HPX: variants seen among roughly 807,000 people sequenced by gnomAD.
HPX encodes beta-1B-glycoprotein.
Under a neutral mutation model 53.8 loss-of-function variants are expected in HPX, and 42 were observed. The observed-to-expected ratio is 0.78, with a 90% CI of 0.61 to 1.01. The LOEUF (loss-of-function observed/expected upper bound fraction) is 1.01. HPX is among the 50% of genes least tolerant of loss of function. HPX has a pLI of 0.00. For synonymous variants in HPX, 229 were observed against 221.1 expected, an observed-to-expected ratio of 1.04 and a Z score of -0.32; for missense variants, 547 against 594.3, an observed-to-expected ratio of 0.92 and a Z score of 0.83.
At chr11:6,439,688 C>G (rs1849460263) in intron 4 of HPX, 1 of 191,654 alleles carries the variant, frequency 5.2e-6, no homozygotes, top group African/African-American at 2.3e-5. Flanking sequence ...CTTCCCCAAC[C>G]ACACAGCACC....
rs200000053 is a variant in HPX, at chr11:6,431,409, A to G, written c.1191T>C (p.Pro397=). The G allele has an allele frequency of 2.4e-5, 38 of 1,614,146 alleles. No homozygotes were observed. Among genetic ancestry groups the G allele is most frequent in the Admixed American group, 2.0e-4 (12 of 60,008 alleles). Residue 397 remains proline, a synonymous_variant, in exon 10 of 10, where the codon CCT becomes CCC. Transcript: ENST00000265983. ...SGAQATWTEL[P]WPHEKVDGAL... is the part of the protein sequence containing the mutation. ...CTCCGTCTACCTTCTCATGGGGCCAAGGAAGCTCTGTCCACGTGGCTTGGG... is the reference window on the plus strand; with the variant it reads ...CTCCGTCTACCTTCTCATGGGGCCAGGGAAGCTCTGTCCACGTGGCTTGGG...
Position 6,437,568 on chromosome 11 carries a change from A to G in HPX, c.575T>C (p.Leu192Pro), listed in dbSNP as rs1849431774. The G allele has an allele frequency of 2.5e-6, 4 of 1,613,986 alleles. No individual in the cohort carries two copies. The highest frequency in any genetic ancestry group is 1.7e-5 in the Admixed American group (1 of 60,010). The change falls in exon 6 of 10, where the codon CTG becomes CCG. Residue 192 changes from leucine to proline, a missense_variant. Coordinates refer to ENST00000265983, the MANE Select transcript of HPX (RefSeq NM_000613.3). ...WPAVGNCSSA[L>P]RWLGRYYCFQ... Reference sequence around the variant, plus strand: ...GCAGTAGTAGCGGCCCAGCCATCTCAGGGCAGAGGAGCAGTTCCCAACAGC... The same window carrying G: ...GCAGTAGTAGCGGCCCAGCCATCTCGGGGCAGAGGAGCAGTTCCCAACAGC...
chr11:6,436,939 G>A (rs577156228), intron 7 of HPX, 107 bp downstream of exon 7: 5 of 1,269,682 alleles, frequency 3.9e-6, no homozygotes, highest in Admixed American at 1.8e-5. Context: ...GGACAGAGGG[G>A]ACAAAATAAG....
At chr11:6,439,306 G>A (rs1849455931) in intron 4 of HPX, among the ~76,000 whole-genome samples, 4 of 152,216 alleles carry the variant, frequency 2.6e-5, no homozygotes, top group Non-Finnish European at 5.9e-5. Context: ...CCCAGATCAT[G>A]AGACCCTGTG....
At chr11:6,435,474 GT>G (rs1268624525) in intron 7 of HPX, among the ~76,000 whole-genome samples, 1 of 150,630 alleles carries the variant, frequency 6.6e-6, no homozygotes, top group Non-Finnish European at 1.5e-5. Context: ...TTTTGTTTTT[GT>G]TTTTTTTGAG....
At chr11:6,435,228 T>C (rs1849400249) in intron 7 of HPX, among the ~76,000 whole-genome samples, 1 of 151,882 alleles carries the variant, frequency 6.6e-6, no homozygotes, top group Non-Finnish European at 1.5e-5. Flanking sequence ...TGAACCAAGA[T>C]TGCGCCATTG....
At chr11:6,440,016 A>T in intron 4 of HPX, 149 bp downstream of exon 4, 4 of 999,014 alleles carry the variant, frequency 4.0e-6, no homozygotes, top group Non-Finnish European at 1.5e-6. Flanking sequence ...ACACTCCCTT[A>T]GCCCAAGCTT....
At chr11:6,440,369 C>A (rs1849466477) in intron 3 of HPX, 83 bp from the exon 4 acceptor site, 1 of 1,598,898 alleles carries the variant, frequency 6.3e-7, no homozygotes, top group African/African-American at 1.3e-5. Context: ...GTCAGTGATA[C>A]CATCAGATAA....
chr11:6,440,443 C>A (rs188970040), intron 3 of HPX, 24 bp downstream of exon 3: 3 of 1,603,006 alleles, frequency 1.9e-6, no homozygotes, highest in South Asian at 2.2e-5. Flanking sequence ...AGGTCCTAAA[C>A]GCCCTAACCT....
intron 7 of HPX, among the ~76,000 whole-genome samples, chr11:6,436,062 G>A (rs1005306160): frequency 2.6e-5 from 4 of 152,166 alleles, no homozygotes; most frequent in Non-Finnish European, 4.4e-5. Context: ...TTACTATGGC[G>A]TATGTTCTCA....
chr11:6,431,246 G>A lies in HPX; in HGVS notation c.1354C>T (p.Gln452Ter). ...LNAAKALPQP[Q>*]NVTSLLGCTH The stretch of plus-strand genomic sequence containing the variant: ...CAGCCCAGGAGACTGGTCACATTCT[G>A]GGGTTGCGGAAGGGCCTTGGCTGCA... The change falls in exon 10 of 10, where the codon CAG becomes TAG. Residue 452 changes from glutamine to a stop codon, truncating the protein, a stop_gained. Coordinates refer to ENST00000265983, the MANE Select transcript of HPX (RefSeq NM_000613.3). LOFTEE classifies it high-confidence loss of function. The A allele has an allele frequency of 6.2e-7, 1 of 1,614,246 alleles. No individual in the cohort carries two copies. Among genetic ancestry groups the A allele is most frequent in the Admixed American group, 1.7e-5 (1 of 60,030 alleles).
chr11:6,431,536 A>G lies in HPX; in HGVS notation c.1130-66T>C. 15 of 1,608,672 alleles carry G rather than the reference A, an allele frequency of 9.3e-6. 1 individual carries two copies. The South Asian group carries it at 1.7e-4, about 18-fold the overall frequency. On this transcript the variant is annotated intron_variant, in intron 9 of 9. Coordinates refer to ENST00000265983, the MANE Select transcript of HPX (RefSeq NM_000613.3). ...TGGGGATCCTGACCTAGGCCTTCTC[A>G]TGCCCTGGGGATCCTGACCTAGGCC... is the stretch of plus-strand genomic sequence containing the variant.
At chr11:6,433,134 C>G (rs1349954917) in intron 7 of HPX, among the ~76,000 whole-genome samples, 1 of 152,224 alleles carries the variant, frequency 6.6e-6, no homozygotes, top group Non-Finnish European at 1.5e-5. Flanking sequence ...CTGAGTCATT[C>G]TTGAAGCCTC....
rs1215143497 is a variant in HPX at position 6,440,070 on chromosome 11, T to A, written c.336+95A>T. The A allele has an allele frequency of 2.0e-6, 3 of 1,497,360 alleles. No individual in the cohort carries two copies. The East Asian group carries it at 6.8e-5, about 34-fold the overall frequency. The allele number at this position is 1,497,360 out of a possible 1,614,324, so 92.8% of individuals were successfully genotyped here. ...CATGGGAAAGAAATCTGCTACCTAT[T>A]GCTATGGGCTCCATGCCAAGGCCAT... is the stretch of plus-strand genomic sequence containing the variant. On this transcript the variant is annotated intron_variant, in intron 4 of 9. Coordinates refer to ENST00000265983, the MANE Select transcript of HPX (RefSeq NM_000613.3).
intron 7 of HPX, 54 bp from the exon 8 acceptor site, chr11:6,432,071 A>G: frequency 5.6e-6 from 9 of 1,606,584 alleles, no homozygotes; most frequent in Non-Finnish European, 7.7e-6. Context: ...CAGGCAGAGA[A>G]GAGGCTAGTG....
At position 6,431,352 on chromosome 11, in the gene HPX, G is replaced by T; in HGVS notation, c.1248C>A (p.Asn416Lys). The change falls in exon 10 of 10, where the codon AAC becomes AAA. Residue 416 changes from asparagine to lysine, a missense_variant. By Grantham distance (94) the Asn-to-Lys change is moderately conservative. Transcript: ENST00000265983. ...AGCCGGGACCATTGGCGGAACATGA[G>T]TTAGGGCCAAGGGACTTTTCCATAC... ...ALCMEKSLGP[N>K]SCSANGPGLY... 6.2e-7 allele frequency: 1 copy of T among 1,614,270 alleles called. No individual in the cohort carries two copies. The highest frequency in any genetic ancestry group is 8.5e-7 in the Non-Finnish European group (1 of 1,180,052).
At chr11:6,432,899 T>C (rs1258495367) in intron 7 of HPX, among the ~76,000 whole-genome samples, 1 of 152,200 alleles carries the variant, frequency 6.6e-6, no homozygotes, top group Non-Finnish European at 1.5e-5. Context: ...GCCATCTATA[T>C]GCTGATGACT....
intron 7 of HPX, 162 bp from the exon 8 acceptor site, chr11:6,432,179 G>A: frequency 1.4e-6 from 1 of 726,956 alleles, no homozygotes; most frequent in Non-Finnish European, 2.3e-6. Context: ...GACTTGGTCA[G>A]CAATGTTGGG....
At chr11:6,437,347 C>A in intron 6 of HPX, 93 bp downstream of exon 6, 1 of 1,391,192 alleles carries the variant, frequency 7.2e-7, no homozygotes, top group South Asian at 1.2e-5. Context: ...TGTCGCAACA[C>A]GGAGTTAAAG....
Sources: gnomAD v4.1 joint callset for allele counts (sites outside exome capture counted in the v4.1 genomes callset) on GRCh38, gnomAD v4.1.1 for gene constraint, MANE v1.5 for transcripts, NCBI Gene and HGNC (gene_info 2026-07-23, HGNC 2026-07-21) for gene names.